Variants in NT5DC3 observed in about 807,000 individuals in gnomAD.
NT5DC3 encodes 5'-nucleotidase domain containing 3.
A neutral mutation model predicts 67.8 loss-of-function variants in NT5DC3; 42 were observed. The observed-to-expected ratio is 0.62, with a 90% CI of 0.48 to 0.80. The LOEUF is 0.80. NT5DC3 is among the 30% of genes least tolerant of loss of function. The pLI is 0.00. For missense variants in NT5DC3, 570 were observed against 696.4 expected, an observed-to-expected ratio of 0.82 and a Z score of 2.04; for synonymous variants, 237 against 255.6, an observed-to-expected ratio of 0.93 and a Z score of 0.69.
At chr12:103,746,565 G>T in the NT5DC3 span, 1 of 1,604,060 alleles carries the variant, frequency 6.2e-7, no homozygotes, top group South Asian at 1.1e-5. Context: ...CACACCATGG[G>T]TACAGAATGA....
intron 6 of NT5DC3, among the ~76,000 whole-genome samples, chr12:103,796,285 G>A (rs1485144612): frequency 6.6e-6 from 1 of 152,194 alleles, no homozygotes; most frequent in East Asian, 1.9e-4. Flanking sequence ...GGGAGGCTGA[G>A]GTGGGAGGAT....
At chr12:103,755,661 C>T in the NT5DC3 span, 1 of 1,614,152 alleles carries the variant, frequency 6.2e-7, no homozygotes, top group African/African-American at 1.3e-5. Context: ...GCTTCTCATG[C>T]AGTGGGAACC....
the NT5DC3 span, chr12:103,755,482 T>C: frequency 2.5e-6 from 4 of 1,612,852 alleles, no homozygotes; most frequent in Non-Finnish European, 3.4e-6. Flanking sequence ...CCGCCCCAGC[T>C]ACACTTCAGG....
In NT5DC3 at chr12:103,774,684, C is replaced by CAAAAAAAAAA. The variant is rs762200303; in HGVS notation, c.*3135_*3144dup. 1.9e-5 allele frequency: 1 copy of CAAAAAAAAAA among 51,322 alleles called. No homozygotes were observed. The highest frequency in any genetic ancestry group is 7.2e-5 in the African/African-American group (1 of 13,938). The allele number at this position is 51,322 out of a possible 1,614,324, so 3.2% of individuals were successfully genotyped here. A position where few individuals can be genotyped will look rare whatever the true frequency, so the allele number is the denominator to read the frequency against. On this transcript the variant is annotated 3_prime_UTR_variant, in exon 14 of 14. Transcript: ENST00000392876. ...GGGCAAAAAGAGCAAAACTAAATCTCAAAAAAAAAAAAAAAAAAAAAGAGA... is the reference window on the plus strand; with the variant it reads ...GGGCAAAAAGAGCAAAACTAAATCTCAAAAAAAAAAAAAAAAAAAAAAAAAAAAAAAGAGA...
chr12:103,753,079 C>T, the NT5DC3 span: 1 of 922,014 alleles, frequency 1.1e-6, no homozygotes, highest in Non-Finnish European at 1.6e-6. Context: ...TGTACTTCAA[C>T]ATAACTTGAA....
intron 10 of NT5DC3, 89 bp from the exon 11 acceptor site, chr12:103,787,616 T>C: frequency 1.6e-6 from 1 of 633,692 alleles, no homozygotes; most frequent in Non-Finnish European, 2.5e-6. Context: ...TAAAAATTGT[T>C]GTTTTTATAA....
At chr12:103,800,549 C>T (rs1185503001) in intron 4 of NT5DC3, among the ~76,000 whole-genome samples, 1 of 152,266 alleles carries the variant, frequency 6.6e-6, no homozygotes, top group Admixed American at 6.5e-5. Context: ...GCCACCCAGG[C>T]TGCATCCACA....
chr12:103,798,524 C>A, intron 5 of NT5DC3, 63 bp downstream of exon 5: 2 of 1,161,374 alleles, frequency 1.7e-6, no homozygotes, highest in South Asian at 2.5e-5. Context: ...TAGGTAAGTT[C>A]GACAAGGCCA....
intron 4 of NT5DC3, among the ~76,000 whole-genome samples, chr12:103,804,992 A>C (rs1886735878): frequency 6.6e-6 from 1 of 151,860 alleles, no homozygotes; most frequent in South Asian, 2.1e-4. Context: ...CAGAGGTTGC[A>C]GTGAGCCGAG....
intron 2 of NT5DC3, among the ~76,000 whole-genome samples, chr12:103,810,652 C>T (rs1387625232): frequency 6.6e-6 from 1 of 152,186 alleles, no homozygotes; most frequent in Non-Finnish European, 1.5e-5. Flanking sequence ...AAAATCTGGG[C>T]AAATTCCTGT....
intron 1 of NT5DC3, among the ~76,000 whole-genome samples, chr12:103,821,503 T>C (rs1483063543): frequency 6.6e-6 from 1 of 152,192 alleles, no homozygotes; most frequent in African/African-American, 2.4e-5. Context: ...CCAATCATCA[T>C]ACTTTCTCTA....
At chr12:103,756,997 ATATAT>A in the NT5DC3 span, among the ~76,000 whole-genome samples, 34 of 130,154 alleles carry the variant, frequency 2.6e-4, no homozygotes, top group East Asian at 1.9e-3. Context: ...AGGAGGGAAA[ATATAT>A]ATATATATAT....
At chr12:103,789,186 A>T in intron 9 of NT5DC3, 1 of 372,994 alleles carries the variant, frequency 2.7e-6, no homozygotes, top group South Asian at 5.7e-5. Context: ...CACTTTGGGA[A>T]GCCAAGGCAG....
rs187874230 is a variant in NT5DC3, at chr12:103,831,532, C to A, written c.208+9417G>T. ...GGGACACTTCCAAAACCTGCCCCCC[C>A]ACACACAGAAAAAATATCTAGAGCA... On this transcript the variant is annotated intron_variant, in intron 1 of 13. Coordinates refer to ENST00000392876, the MANE Select transcript of NT5DC3 (RefSeq NM_001031701.3). 3.0e-4 allele frequency among the ~76,000 whole-genome samples: 45 copies of A among 152,214 alleles called. 1 individual carries two copies. Among genetic ancestry groups the A allele is most frequent in the Admixed American group, 2.1e-3 (32 of 15,292 alleles).
chr12:103,758,101 C>A, the NT5DC3 span: 151 of 1,602,298 alleles, frequency 9.4e-5, no homozygotes, highest in African/African-American at 1.5e-4. Context: ...TGCCCTGGGA[C>A]CTTCTTCAGC....
Position 103,781,765 on chromosome 12 carries a change from A to C in NT5DC3, c.1330-1401T>G, listed in dbSNP as rs189415285. 4.0e-4 allele frequency among the ~76,000 whole-genome samples: 61 copies of C among 152,318 alleles called. 1 individual carries two copies. Among genetic ancestry groups the C allele is most frequent in the African/African-American group, 1.3e-3 (54 of 41,570 alleles). On this transcript the variant is annotated intron_variant, in intron 12 of 13. Coordinates refer to ENST00000392876, the MANE Select transcript of NT5DC3 (RefSeq NM_001031701.3). ...GTTCATTAGCTATCATTAATCTTTC[A>C]AGTGAAACCATGCACTCTAGAGTGG... is the stretch of plus-strand genomic sequence containing the variant.
intron 1 of NT5DC3, among the ~76,000 whole-genome samples, chr12:103,827,632 TATC>T (rs1352024812): frequency 6.6e-6 from 1 of 152,196 alleles, no homozygotes; most frequent in African/African-American, 2.4e-5. Flanking sequence ...TCAATTAACT[TATC>T]ATGAAACAGT....
At chr12:103,793,890 G>A (rs1177291942) in intron 7 of NT5DC3, 47 bp downstream of exon 7, 2 of 1,508,776 alleles carry the variant, frequency 1.3e-6, no homozygotes, top group Non-Finnish European at 1.8e-6. Context: ...GGTTGCAAAA[G>A]AAACAGAAAG....
At chr12:103,820,698 T>TA (rs1030726108) in intron 1 of NT5DC3, 12 of 152,106 alleles carry the variant, frequency 7.9e-5, no homozygotes, top group Non-Finnish European at 1.5e-4. Context: ...CTTAATGTTT[T>TA]AAAAAAATAT....
Sources: gnomAD v4.1 joint callset for allele counts (sites outside exome capture counted in the v4.1 genomes callset) on GRCh38, gnomAD v4.1.1 for gene constraint, MANE v1.5 for transcripts, NCBI Gene and HGNC (gene_info 2026-07-23, HGNC 2026-07-21) for gene names.